The following NALF1 variants were observed in gnomAD, a reference collection of about 807,000 sequenced individuals.
The protein encoded by NALF1 is family with sequence similarity 155 member A.
A neutral mutation model predicts 48.4 loss-of-function variants in NALF1; 3 were observed. That is an observed-to-expected ratio of 0.06 (90% CI 0.03 to 0.16). The LOEUF (loss-of-function observed/expected upper bound fraction) is 0.16. NALF1 is among the 10% of genes least tolerant of loss of function. The probability of loss-of-function intolerance (pLI) is 1.00; values close to 1 mark genes in which losing one functional copy is unlikely to be tolerated. For missense variants in NALF1, 526 were observed against 571.5 expected (o/e 0.92, Z 0.81); for synonymous variants, 262 against 245.7 (o/e 1.07, Z -0.62).
chr13:107,595,108 A>G (rs1402706299), intron 1 of NALF1, among the ~76,000 whole-genome samples: 1 of 152,136 alleles, frequency 6.6e-6, no homozygotes, highest in Non-Finnish European at 1.5e-5. Context: ...CAGACAAGAC[A>G]GCGACCACGG....
chr13:107,349,134 A>T (rs549031528), intron 1 of NALF1, among the ~76,000 whole-genome samples: 5 of 152,324 alleles, frequency 3.3e-5, no homozygotes, highest in African/African-American at 1.2e-4. Flanking sequence ...TTTCCTGGGG[A>T]CATTCTCATT....
intron 1 of NALF1, among the ~76,000 whole-genome samples, chr13:107,801,564 G>A (rs542006966): frequency 5.3e-5 from 8 of 152,234 alleles, no homozygotes; most frequent in African/African-American, 1.9e-4. Context: ...GCTGTCAATG[G>A]AAAATATAAA....
chr13:107,520,047 T>C (rs942828367), intron 1 of NALF1, among the ~76,000 whole-genome samples: 1 of 152,230 alleles, frequency 6.6e-6, no homozygotes, highest in Non-Finnish European at 1.5e-5. Flanking sequence ...TTTATGATGA[T>C]CTTTAGTGTC....
intron 1 of NALF1, among the ~76,000 whole-genome samples, chr13:107,430,711 T>C (rs946979763): frequency 6.6e-6 from 1 of 152,240 alleles, no homozygotes; most frequent in Non-Finnish European, 1.5e-5. Flanking sequence ...GTTGGACATT[T>C]GGGTTGGTTC....
chr13:107,411,836 A>G (rs1342121072), intron 1 of NALF1, among the ~76,000 whole-genome samples: 3 of 152,100 alleles, frequency 2.0e-5, no homozygotes, highest in African/African-American at 7.2e-5. Flanking sequence ...GGAGTGGAAA[A>G]GAAGGGGCTA....
chr13:107,837,932 C>T (rs966469718), intron 1 of NALF1, among the ~76,000 whole-genome samples: 1 of 150,492 alleles, frequency 6.6e-6, no homozygotes, highest in Non-Finnish European at 1.5e-5. Flanking sequence ...AAAAAAAACA[C>T]GGTAAAAAAA....
chr13:107,401,784 A>G (rs1431189824), intron 1 of NALF1, among the ~76,000 whole-genome samples: 1 of 152,196 alleles, frequency 6.6e-6, no homozygotes, highest in Non-Finnish European at 1.5e-5. Flanking sequence ...TGATTGCATA[A>G]TACATTTAGG....
intron 1 of NALF1, among the ~76,000 whole-genome samples, chr13:107,642,486 T>C (rs1044470850): frequency 6.6e-6 from 1 of 152,226 alleles, no homozygotes; most frequent in Admixed American, 6.5e-5. Context: ...ATTGCATACA[T>C]TGCATGTTGC....
At chr13:107,187,144 A>G (rs1364336188) in intron 2 of NALF1, among the ~76,000 whole-genome samples, 2 of 152,072 alleles carry the variant, frequency 1.3e-5, no homozygotes, top group African/African-American at 2.4e-5. Context: ...TCATGATTAC[A>G]TTGGGATCAC....
At chr13:107,765,123 A>G (rs1026619741) in intron 1 of NALF1, among the ~76,000 whole-genome samples, 7 of 152,136 alleles carry the variant, frequency 4.6e-5, no homozygotes, top group African/African-American at 1.7e-4. Context: ...GAAAGAAAAT[A>G]TGTTGCTAGG....
intron 1 of NALF1, among the ~76,000 whole-genome samples, chr13:107,358,177 TG>T (rs1445386392): frequency 8.6e-5 from 13 of 150,838 alleles, no homozygotes; most frequent in Admixed American, 2.0e-4. Context: ...TATGTGTGTG[TG>T]TGTGTGTGTG....
intron 1 of NALF1, among the ~76,000 whole-genome samples, chr13:107,808,149 G>A (rs1029321405): frequency 1.3e-5 from 2 of 152,046 alleles, no homozygotes; most frequent in South Asian, 2.1e-4. Context: ...TTGCGGGGCC[G>A]ATGCACTCAC....
chr13:107,210,889 TTA>T (rs1879747310), intron 1 of NALF1, 134 bp from the exon 2 acceptor site: 2 of 612,774 alleles, frequency 3.3e-6, no homozygotes, highest in African/African-American at 3.7e-5. Context: ...GAAAGCGTAT[TTA>T]CACAACGACA....
chr13:107,770,051 TACAGGC>T (rs1281377247), intron 1 of NALF1, among the ~76,000 whole-genome samples: 8 of 152,140 alleles, frequency 5.3e-5, no homozygotes, highest in African/African-American at 1.9e-4. Context: ...TAGCTGGGAC[TACAGGC>T]ACCCGCCACC....
chr13:107,215,744 T>C (rs995642728), intron 1 of NALF1, among the ~76,000 whole-genome samples: 2 of 152,136 alleles, frequency 1.3e-5, no homozygotes, highest in African/African-American at 4.8e-5. Context: ...GCAGGTGTGC[T>C]TGTGTGGTGT....
rs186050394 is a variant in NALF1, at chr13:107,680,226, T to C, written c.915+185456A>G. Among the ~76,000 whole-genome samples, 226 of 152,296 alleles carry C rather than the reference T, an allele frequency of 1.5e-3. 2 individuals carry two copies. The highest frequency in any genetic ancestry group is 2.8e-3 in the Non-Finnish European group (190 of 68,018). On this transcript the variant is annotated intron_variant, in intron 1 of 2. Transcript: ENST00000375915. Reference sequence around the variant, plus strand: ...CTCTTCCCACGATTTGCCATTTGACTTCCACAGAGAGGAACTGTTCTCTCT... The same window carrying C: ...CTCTTCCCACGATTTGCCATTTGACCTCCACAGAGAGGAACTGTTCTCTCT...
At chr13:107,427,022 CAAT>C (rs1442724984) in intron 1 of NALF1, among the ~76,000 whole-genome samples, 1 of 151,620 alleles carries the variant, frequency 6.6e-6, no homozygotes, top group East Asian at 1.9e-4. Context: ...AACAATGAAA[CAAT>C]GTTAGCCAAT....
chr13:107,824,023 T>C (rs562578860), intron 1 of NALF1, among the ~76,000 whole-genome samples: 1 of 149,926 alleles, frequency 6.7e-6, no homozygotes, highest in East Asian at 2.0e-4. Flanking sequence ...CATCATTCCT[T>C]AAAGGCAAAG....
chr13:107,306,827 T>C (rs1229982497), intron 1 of NALF1, among the ~76,000 whole-genome samples: 1 of 152,024 alleles, frequency 6.6e-6, no homozygotes, highest in Non-Finnish European at 1.5e-5. Flanking sequence ...TAGCTGGGTA[T>C]GGTGGTGCCT....
Sources: allele counts gnomAD v4.1 joint callset (sites outside exome capture counted in the v4.1 genomes callset), GRCh38; gene constraint gnomAD v4.1.1; transcripts MANE v1.5; gene names NCBI Gene and HGNC (gene_info 2026-07-23, HGNC 2026-07-21).